The following PLCH1 variants were observed in gnomAD, a reference collection of about 807,000 sequenced individuals.
The protein encoded by PLCH1 is phospholipase C eta 1, also known as 1-phosphatidylinositol 4,5-bisphosphate phosphodiesterase eta-1.
PLCH1 carries 60 observed loss-of-function variants against 126.7 expected under a neutral mutation model. The observed-to-expected ratio is 0.47, with a 90% confidence interval of 0.38 to 0.59. PLCH1 has a LOEUF of 0.59. Ranked by LOEUF, PLCH1 falls within the 20% of genes least tolerant of loss-of-function variation. The pLI is 0.00. For synonymous variants in PLCH1, 719 were observed against 734.9 expected (o/e 0.98, Z 0.35); for missense variants, 1,723 against 2,040.0 (o/e 0.84, Z 2.99).
rs1355904926 is a variant in PLCH1, at chr3:155,708,947, C to A, written c.-40-4683G>T. ...CTATGCTCTGCATTCTCCCTCCCTC[C>A]CCCTTAGCCCCTGACGAGCACTGAT... is the stretch of plus-strand genomic sequence containing the variant. On this transcript the variant is annotated intron_variant, in intron 1 of 22. Coordinates refer to ENST00000460012, the MANE Select transcript of PLCH1 (RefSeq NM_014996.4). Among the ~76,000 whole-genome samples, 3 of 152,158 alleles carry A rather than the reference C, an allele frequency of 2.0e-5. No individual in the cohort carries two copies. In the South Asian group the frequency reaches 6.2e-4, roughly 31 times the overall value.
chr3:155,480,317 T>A lies in PLCH1; in HGVS notation c.*651A>T, dbSNP rs951121787. 2.0e-5 allele frequency: 3 copies of A among 152,628 alleles called. No homozygotes were observed. The highest frequency in any genetic ancestry group is 2.9e-5 in the Non-Finnish European group (2 of 68,046). 9.5% of individuals were successfully genotyped at this position (152,628 alleles called of 1,614,324 possible). ...CAAAATTTATGTAAAACAAACAATT[T>A]TGTCCTTATGTACAAAAGACAGCCT... On this transcript the variant is annotated 3_prime_UTR_variant, in exon 23 of 23. Transcript: ENST00000460012.
At chr3:155,458,242 T>G (rs1310924073) in intron 21 of PLCH1, among the ~76,000 whole-genome samples, 1 of 149,082 alleles carries the variant, frequency 6.7e-6, no homozygotes, top group Non-Finnish European at 1.5e-5. Context: ...CTAAGGAGGC[T>G]GAGGCAGGAG....
At chr3:155,455,089 C>T (rs1712407795) in intron 21 of PLCH1, among the ~76,000 whole-genome samples, 1 of 152,150 alleles carries the variant, frequency 6.6e-6, no homozygotes, top group Non-Finnish European at 1.5e-5. Flanking sequence ...ATTTACAATA[C>T]TATTATGTGT....
At chr3:155,558,758 A>G (rs1378177210) in intron 8 of PLCH1, among the ~76,000 whole-genome samples, 1 of 152,068 alleles carries the variant, frequency 6.6e-6, no homozygotes, top group African/African-American at 2.4e-5. Flanking sequence ...TCTATTTAAT[A>G]TTTTCGGGGT....
chr3:155,741,429 G>T (rs1379950835), intron 1 of PLCH1, among the ~76,000 whole-genome samples: 4 of 152,064 alleles, frequency 2.6e-5, no homozygotes, highest in Non-Finnish European at 5.9e-5. Context: ...AGCTTCCCTG[G>T]GTTTATCATT....
At chr3:155,658,033 G>T (rs554182930) in intron 2 of PLCH1, 13 of 204,046 alleles carry the variant, frequency 6.4e-5, no homozygotes, top group East Asian at 5.8e-4. Flanking sequence ...AAAGGAAAAG[G>T]TTCATGCAAC....
intron 6 of PLCH1, 152 bp downstream of exon 6, chr3:155,583,320 G>C: frequency 3.4e-6 from 2 of 590,692 alleles, no homozygotes; most frequent in Non-Finnish European, 5.8e-6. Context: ...GCTAGAAACT[G>C]TTTTAAATGA....
intron 2 of PLCH1, among the ~76,000 whole-genome samples, chr3:155,675,277 G>A (rs1225929333): frequency 1.3e-5 from 2 of 152,082 alleles, no homozygotes; most frequent in Non-Finnish European, 2.9e-5. Flanking sequence ...TCAGTTTGAA[G>A]GTAACTTTAG....
At chr3:155,725,372 G>T (rs1229883153) in intron 1 of PLCH1, among the ~76,000 whole-genome samples, 2 of 151,626 alleles carry the variant, frequency 1.3e-5, no homozygotes. Context: ...AAAATTGCCA[G>T]CTTCTTTTGG....
intron 12 of PLCH1, among the ~76,000 whole-genome samples, chr3:155,513,472 A>T (rs912488134): frequency 6.6e-6 from 1 of 152,138 alleles, no homozygotes; most frequent in Non-Finnish European, 1.5e-5. Context: ...TGGGGCAAAG[A>T]CTTCTCCAAA....
intron 1 of PLCH1, among the ~76,000 whole-genome samples, chr3:155,730,892 A>G (rs1180904436): frequency 1.3e-5 from 2 of 152,186 alleles, no homozygotes; most frequent in Non-Finnish European, 2.9e-5. Flanking sequence ...TGAATAATGG[A>G]CATTGCCTTA....
chr3:155,564,958 A>T lies in PLCH1; in HGVS notation c.1026T>A (p.Asp342Glu). The T allele has an allele frequency of 6.2e-7, 1 of 1,614,006 alleles. No homozygotes were observed. The highest frequency in any genetic ancestry group is 8.5e-7 in the Non-Finnish European group (1 of 1,179,910). ...GDQLLSQSKV[D>E]MYARVLQEGC... is the part of the protein sequence containing the mutation. ...CCTCTTGCAGCACCCGTGCATACAT[A>T]TCCACTTTGGACTGAGAAAGGAGCT... is the stretch of plus-strand genomic sequence containing the variant. Residue 342 changes from aspartate to glutamate, a missense_variant, in exon 8 of 23, where the codon GAT becomes GAA. By Grantham distance (45) the Asp-to-Glu change is conservative (BLOSUM62 2). Coordinates refer to ENST00000460012, the MANE Select transcript of PLCH1 (RefSeq NM_014996.4).
At chr3:155,728,190 GTATC>G (rs1748487253) in intron 1 of PLCH1, among the ~76,000 whole-genome samples, 1 of 152,022 alleles carries the variant, frequency 6.6e-6, no homozygotes, top group Non-Finnish European at 1.5e-5. Flanking sequence ...TTTTTAAATG[GTATC>G]AGCGGGGGGC....
chr3:155,667,977 C>T (rs1316395917), intron 2 of PLCH1, among the ~76,000 whole-genome samples: 1 of 145,918 alleles, frequency 6.9e-6, no homozygotes, highest in Non-Finnish European at 1.5e-5. Flanking sequence ...CCCAGCTACT[C>T]AGGAGGCTAA....
At chr3:155,630,693 T>G (rs577154562) in intron 2 of PLCH1, among the ~76,000 whole-genome samples, 15 of 152,356 alleles carry the variant, frequency 9.8e-5, no homozygotes, top group African/African-American at 3.6e-4. Context: ...GTTTACATTA[T>G]GAGAAACAGA....
At chr3:155,664,975 C>T (rs1048770623) in intron 2 of PLCH1, among the ~76,000 whole-genome samples, 8 of 152,096 alleles carry the variant, frequency 5.3e-5, no homozygotes, top group African/African-American at 1.9e-4. Flanking sequence ...GCACACAGAC[C>T]GACTGCATTT....
At chr3:155,511,738 A>AC (rs1208198287) in intron 12 of PLCH1, among the ~76,000 whole-genome samples, 1 of 145,216 alleles carries the variant, frequency 6.9e-6, no homozygotes, top group Non-Finnish European at 1.5e-5. Flanking sequence ...TGCTGGGAGA[A>AC]CCACTGCTCT....
At chr3:155,739,666 A>G (rs1049908865) in intron 1 of PLCH1, among the ~76,000 whole-genome samples, 5 of 152,230 alleles carry the variant, frequency 3.3e-5, no homozygotes, top group Admixed American at 1.3e-4. Flanking sequence ...CCCGCCTATT[A>G]CCACTGCATT....
intron 2 of PLCH1, among the ~76,000 whole-genome samples, chr3:155,619,675 C>T (rs1473665605): frequency 6.6e-6 from 1 of 151,942 alleles, no homozygotes. Context: ...TACTCCCTAC[C>T]CCCATCCAAA....
Sources: gnomAD v4.1 joint callset for allele counts (sites outside exome capture counted in the v4.1 genomes callset) on GRCh38, gnomAD v4.1.1 for gene constraint, MANE v1.5 for transcripts, NCBI Gene and HGNC (gene_info 2026-07-23, HGNC 2026-07-21) for gene names.